SETBP1: variants seen among roughly 807,000 people sequenced by gnomAD.
The protein encoded by SETBP1 is SET binding protein 1, also known as SET-binding protein.
SETBP1 carries 9 observed loss-of-function variants against 101.0 expected under a neutral mutation model. The observed-to-expected ratio is 0.09, with a 90% CI of 0.05 to 0.16. The LOEUF (loss-of-function observed/expected upper bound fraction) is 0.16, where lower values mean the gene tolerates loss of function less well. Ranked by LOEUF, SETBP1 falls within the 10% of genes least tolerant of loss-of-function variation. The pLI is 1.00. For synonymous variants in SETBP1, 818 were observed against 788.5 expected (o/e 1.04, Z -0.63); for missense variants, 1,858 against 2,033.8 (o/e 0.91, Z 1.66).
intron 2 of SETBP1, among the ~76,000 whole-genome samples, chr18:44,776,794 G>T (rs997466280): frequency 1.3e-5 from 2 of 152,226 alleles, no homozygotes; most frequent in Non-Finnish European, 2.9e-5. Context: ...GTTCACAGAT[G>T]CCCATCTCTG....
intron 2 of SETBP1, among the ~76,000 whole-genome samples, chr18:44,810,528 C>G (rs1228843908): frequency 6.6e-6 from 1 of 152,172 alleles, no homozygotes; most frequent in African/African-American, 2.4e-5. Flanking sequence ...ATGGAACCCC[C>G]AAACAGCATA....
At chr18:44,918,369 A>G (rs73489161) in intron 3 of SETBP1, among the ~76,000 whole-genome samples, 8,745 of 152,270 alleles carry the variant, frequency 0.057, 854 homozygotes, top group African/African-American at 0.2. Flanking sequence ...TCCCCAGGCC[A>G]GGCCTTCTCC....
At chr18:44,745,950 C>T (rs187567958) in intron 2 of SETBP1, among the ~76,000 whole-genome samples, 17 of 152,250 alleles carry the variant, frequency 1.1e-4, no homozygotes, top group Admixed American at 1.0e-3. Flanking sequence ...CTCTGGCACC[C>T]TTCCTTGATC....
intron 4 of SETBP1, among the ~76,000 whole-genome samples, chr18:45,032,060 C>G (rs1476671947): frequency 6.6e-6 from 1 of 152,122 alleles, no homozygotes; most frequent in Non-Finnish European, 1.5e-5. Context: ...TGGAATTCTA[C>G]CCAACTTTTA....
At chr18:44,792,000 T>G (rs981834762) in intron 2 of SETBP1, among the ~76,000 whole-genome samples, 1 of 152,178 alleles carries the variant, frequency 6.6e-6, no homozygotes, top group Non-Finnish European at 1.5e-5. Context: ...CAGTTGGCTG[T>G]GCAGTTTCGG....
chr18:44,992,798 T>G (rs2072407445), intron 4 of SETBP1, among the ~76,000 whole-genome samples: 1 of 151,986 alleles, frequency 6.6e-6, no homozygotes, highest in Non-Finnish European at 1.5e-5. Context: ...GCTTAGATTA[T>G]AGAAGAAAGA....
At position 44,803,507 on chromosome 18, in the gene SETBP1, C is replaced by T. The variant is rs532958398; in HGVS notation, c.487-65723C>T. 3.2e-4 allele frequency among the ~76,000 whole-genome samples: 49 copies of T among 152,212 alleles called. 1 individual carries two copies. The Middle Eastern group carries it at 0.017, about 53-fold the overall frequency. ...AGACTGAGTCTCCCAGAAGCTGCTT[C>T]GAGACTCCTGCCCTTTCCCTTTCCT... On this transcript the variant is annotated intron_variant, in intron 2 of 5. Transcript: ENST00000649279.
intron 4 of SETBP1, among the ~76,000 whole-genome samples, chr18:44,959,927 T>C (rs1464649128): frequency 6.6e-6 from 1 of 152,096 alleles, no homozygotes; most frequent in African/African-American, 2.4e-5. Context: ...TTTGTTTCTG[T>C]TTTTGAGACA....
intron 2 of SETBP1, among the ~76,000 whole-genome samples, chr18:44,772,494 G>A (rs988877543): frequency 6.6e-6 from 1 of 152,114 alleles, no homozygotes; most frequent in Admixed American, 6.5e-5. Context: ...TGCCCGTCAG[G>A]GAGAGGAACA....
intron 4 of SETBP1, among the ~76,000 whole-genome samples, chr18:44,997,288 C>T (rs1448340853): frequency 1.3e-5 from 2 of 152,128 alleles, no homozygotes; most frequent in Non-Finnish European, 2.9e-5. Context: ...TCCCAGAAAC[C>T]TGCCATCTCG....
At chr18:44,860,734 T>A (rs1218504822) in intron 2 of SETBP1, among the ~76,000 whole-genome samples, 3 of 143,014 alleles carry the variant, frequency 2.1e-5, no homozygotes, top group Non-Finnish European at 4.6e-5. Context: ...GTGACAAGAG[T>A]GAAACTTCAT....
chr18:44,756,929 G>A (rs59491685), intron 2 of SETBP1, among the ~76,000 whole-genome samples: 1 of 152,122 alleles, frequency 6.6e-6, no homozygotes, highest in South Asian at 2.1e-4. Flanking sequence ...TGGATTTCTT[G>A]ATTTTTCAAA....
At chr18:44,804,519 T>C (rs1335330006) in intron 2 of SETBP1, among the ~76,000 whole-genome samples, 4 of 152,150 alleles carry the variant, frequency 2.6e-5, no homozygotes, top group African/African-American at 7.2e-5. Context: ...GGCTAACTTA[T>C]TTTGCAAGAT....
At chr18:44,707,325 G>C (rs1025875947) in intron 2 of SETBP1, among the ~76,000 whole-genome samples, 2 of 152,214 alleles carry the variant, frequency 1.3e-5, no homozygotes, top group African/African-American at 4.8e-5. Flanking sequence ...CCATGGTTTT[G>C]AGAGAGTGTT....
At chr18:44,746,209 A>T (rs995158708) in intron 2 of SETBP1, among the ~76,000 whole-genome samples, 3 of 152,210 alleles carry the variant, frequency 2.0e-5, no homozygotes, top group African/African-American at 7.2e-5. Flanking sequence ...GAAGACATTT[A>T]TGTAGTGGGA....
intron 4 of SETBP1, among the ~76,000 whole-genome samples, chr18:44,977,651 A>G (rs1010768548): frequency 6.6e-6 from 1 of 152,190 alleles, no homozygotes. Context: ...TCCTTGGTAG[A>G]AGTTACAATC....
chr18:44,692,769 T>C (rs1304051602), intron 1 of SETBP1, among the ~76,000 whole-genome samples: 1 of 152,112 alleles, frequency 6.6e-6, no homozygotes, highest in Non-Finnish European at 1.5e-5. Flanking sequence ...TCTTGCAGGA[T>C]AACAAGAGTT....
At chr18:44,980,566 G>A (rs1054804498) in intron 4 of SETBP1, among the ~76,000 whole-genome samples, 10 of 152,010 alleles carry the variant, frequency 6.6e-5, no homozygotes, top group Non-Finnish European at 1.0e-4. Context: ...CCGACCTCCC[G>A]TGCCTCTCCC....
chr18:44,963,225 C>CT (rs2071648404), intron 4 of SETBP1, among the ~76,000 whole-genome samples: 1 of 152,166 alleles, frequency 6.6e-6, no homozygotes, highest in Admixed American at 6.5e-5. Context: ...CAAGTTATCC[C>CT]TAAAGAACTC....
Sources: allele counts gnomAD v4.1 joint callset (sites outside exome capture counted in the v4.1 genomes callset), GRCh38; gene constraint gnomAD v4.1.1; transcripts MANE v1.5; gene names NCBI Gene and HGNC (gene_info 2026-07-23, HGNC 2026-07-21).